BRWD3: variants seen among roughly 807,000 people sequenced by gnomAD.
BRWD3 encodes bromodomain and WD repeat domain containing 3, also known as bromodomain and WD repeat-containing protein 3.
Under a neutral mutation model 149.7 loss-of-function variants are expected in BRWD3, and 10 were observed. The observed-to-expected ratio is 0.07, with a 90% CI of 0.04 to 0.11. The LOEUF is 0.11. Ranked by LOEUF, BRWD3 falls within the 10% of genes least tolerant of loss-of-function variation. The pLI is 1.00. For missense variants in BRWD3, 940 were observed against 1,373.2 expected (o/e 0.68, Z 4.99); for synonymous variants, 504 against 456.7 (o/e 1.10, Z -1.32).
intron 16 of BRWD3, among the ~76,000 whole-genome samples, chrX:80,723,328 GC>G (rs201532245): frequency 0.083 from 9,178 of 110,417 alleles, 376 homozygotes; most frequent in South Asian, 0.18. Flanking sequence ...AATTAAGTTA[GC>G]TCCCAAAGTA....
chrX:80,738,609 C>T (rs2073439871), intron 8 of BRWD3, among the ~76,000 whole-genome samples: 1 of 106,724 alleles, frequency 9.4e-6, no homozygotes, highest in African/African-American at 3.5e-5. Context: ...TACAGAGTTG[C>T]TGTGCACACA....
chrX:80,685,652 G>A (rs1015228087), intron 35 of BRWD3, 116 bp from the exon 36 acceptor site: 13 of 561,602 alleles, frequency 2.3e-5, no homozygotes, highest in African/African-American at 1.1e-4. Context: ...ATGTTTTATC[G>A]GCTGTACTTT....
intron 6 of BRWD3, among the ~76,000 whole-genome samples, chrX:80,748,793 C>T (rs1347462585): frequency 9.0e-6 from 1 of 111,240 alleles, no homozygotes; most frequent in Non-Finnish European, 1.9e-5. Context: ...ATACTTTGTT[C>T]ATCTTTTTCT....
chrX:80,809,417 C>A (rs1302724519), intron 1 of BRWD3, 24 bp downstream of exon 1: 4 of 1,149,798 alleles, frequency 3.5e-6, no homozygotes, highest in South Asian at 3.8e-5. Context: ...TAGCACCCCC[C>A]CACCCCCCGA....
At chrX:80,776,543 G>C (rs1235668882) in intron 6 of BRWD3, among the ~76,000 whole-genome samples, 1 of 111,770 alleles carries the variant, frequency 8.9e-6, no homozygotes, top group Non-Finnish European at 1.9e-5. Flanking sequence ...GACTGAAAGA[G>C]TGAATATCAG....
chrX:80,745,433 A>G (rs1018330120), intron 7 of BRWD3, 136 bp downstream of exon 7: 8 of 512,857 alleles, frequency 1.6e-5, no homozygotes, highest in Non-Finnish European at 2.5e-5. Flanking sequence ...ACTTTTTTCA[A>G]TTTCCACTCA....
intron 4 of BRWD3, among the ~76,000 whole-genome samples, chrX:80,802,813 A>C (rs1359331567): frequency 9.0e-6 from 1 of 110,965 alleles, no homozygotes; most frequent in Non-Finnish European, 1.9e-5. Flanking sequence ...CCATGTAAGA[A>C]ATGTCAAGCA....
intron 6 of BRWD3, among the ~76,000 whole-genome samples, chrX:80,789,594 T>G (rs905771843): frequency 9.1e-6 from 1 of 110,144 alleles, no homozygotes; most frequent in South Asian, 4.0e-4. Flanking sequence ...GCCAGGATGG[T>G]CTCGATCTCC....
chrX:80,753,598 C>A (rs191300815), intron 6 of BRWD3, among the ~76,000 whole-genome samples: 3 of 111,508 alleles, frequency 2.7e-5, no homozygotes, highest in African/African-American at 9.8e-5. Flanking sequence ...AATTTTTTGC[C>A]TAGACCAATG....
chrX:80,785,591 T>C (rs764652369), intron 6 of BRWD3, among the ~76,000 whole-genome samples: 13 of 112,111 alleles, frequency 1.2e-4, no homozygotes, highest in Non-Finnish European at 2.4e-4. Context: ...AAAGTCCAGA[T>C]AAGGTCAGAA....
Position 80,784,483 on chromosome X carries a change from G to A in BRWD3, c.430+7371C>T, listed in dbSNP as rs376909976. ...CATGGTGGTTTGCTGCACTTAACCC[G>A]TCACCTAGGTATTGAGTCCCACATG... On this transcript the variant is annotated intron_variant, in intron 6 of 40. Transcript: ENST00000373275. Among the ~76,000 whole-genome samples the A allele has an allele frequency of 1.1e-4, 12 of 110,949 alleles. No homozygotes were observed. In the East Asian group the frequency reaches 2.0e-3, roughly 18 times the overall value.
chrX:80,767,348 TAGA>T (rs2073874949), intron 6 of BRWD3, among the ~76,000 whole-genome samples: 1 of 111,522 alleles, frequency 9.0e-6, no homozygotes, highest in Admixed American at 9.5e-5. Context: ...ACAAAGCTTC[TAGA>T]AGAAGTATCA....
At position 80,695,981 on chromosome X, in the gene BRWD3, G is replaced by A. The variant is rs2072685066; in HGVS notation, c.3078C>T (p.Asp1026=). 2 of 1,200,480 alleles carry A rather than the reference G, an allele frequency of 1.7e-6. No homozygotes were observed. Among genetic ancestry groups the A allele is most frequent in the South Asian group, 3.5e-5 (2 of 56,466 alleles). The stretch of plus-strand genomic sequence containing the variant: ...CAAGGAAGTCAATGACATCCGGCAT[G>A]TCATGATACCTATACAGAAAATAAA... ...TGESFSIKYH[D]MPDVIDFLVL... is the part of the protein sequence containing the mutation. Residue 1026 remains aspartate, a synonymous_variant, in exon 27 of 41, where the codon GAC becomes GAT. Transcript: ENST00000373275.
intron 6 of BRWD3, among the ~76,000 whole-genome samples, chrX:80,749,680 C>T (rs1368377242): frequency 9.0e-6 from 1 of 110,671 alleles, no homozygotes; most frequent in Non-Finnish European, 1.9e-5. Flanking sequence ...ACAACATTTA[C>T]AGATCTAATG....
At chrX:80,697,974 GTTTGT>G (rs1569250060) in intron 25 of BRWD3, among the ~76,000 whole-genome samples, 1 of 112,047 alleles carries the variant, frequency 8.9e-6, no homozygotes. Flanking sequence ...GCATCTGTTT[GTTTGT>G]TTTGAATTTT....
At chrX:80,792,884 C>G (rs150663223) in intron 5 of BRWD3, among the ~76,000 whole-genome samples, 1 of 110,230 alleles carries the variant, frequency 9.1e-6, no homozygotes, top group African/African-American at 3.3e-5. Context: ...ATTACTGAGG[C>G]CCGGCGCAGT....
rs766050349 is a variant in BRWD3, at chrX:80,693,040, G to A, written c.3163C>T (p.Arg1055Cys). The A allele has an allele frequency of 3.3e-6, 4 of 1,198,887 alleles. No homozygotes were observed. The highest frequency in any genetic ancestry group is 4.5e-6 in the Non-Finnish European group (4 of 883,865). Residue 1055 changes from arginine to cysteine, a missense_variant, in exon 28 of 41, where the codon CGC becomes TGC. Physicochemically the swap from Arg to Cys is radical, Grantham distance 180 (BLOSUM62 -3). Around this residue, in one of 6 missense-constraint regions of BRWD3, gnomAD observed 158 missense variants for 284.0 expected, o/e 0.56. Coordinates refer to ENST00000373275, the MANE Select transcript of BRWD3 (RefSeq NM_153252.5). ...ERNWQIGDRF[R>C]SIIDDAWWFG... ...CACCAGGCGTCATCTATTATACTGC[G>A]GAATCTATCACCTATAATGTTTTAA...
At chrX:80,684,826 T>C (rs1010866221) in intron 36 of BRWD3, among the ~76,000 whole-genome samples, 1 of 110,986 alleles carries the variant, frequency 9.0e-6, no homozygotes, top group Non-Finnish European at 1.9e-5. Flanking sequence ...CTATATATGC[T>C]ACAAGCCTCA....
chrX:80,677,565 T>A (rs970863001), intron 40 of BRWD3, among the ~76,000 whole-genome samples: 1 of 111,130 alleles, frequency 9.0e-6, no homozygotes, highest in Admixed American at 9.6e-5. Flanking sequence ...GAGGAGAATA[T>A]GGGGGTGGAA....
Sources: gnomAD v4.1 joint callset for allele counts (sites outside exome capture counted in the v4.1 genomes callset) on GRCh38, gnomAD v4.1.1 for gene constraint, gnomAD v4.1.1 regional missense constraint, MANE v1.5 for transcripts, NCBI Gene and HGNC (gene_info 2026-07-23, HGNC 2026-07-21) for gene names.